The following WDR64 variants were observed in gnomAD, a reference collection of about 807,000 sequenced individuals.
WDR64 encodes the protein WD repeat domain 64.
Under a neutral mutation model 139.3 loss-of-function variants are expected in WDR64, and 112 were observed. That is an observed-to-expected ratio of 0.80 (90% CI 0.69 to 0.94). The LOEUF (loss-of-function observed/expected upper bound fraction) is 0.94. Ranked by LOEUF, WDR64 falls within the 40% of genes least tolerant of loss-of-function variation. The probability of loss-of-function intolerance (pLI) is 0.00; values close to 1 mark genes in which losing one functional copy is unlikely to be tolerated. For synonymous variants in WDR64, 444 were observed against 437.7 expected (o/e 1.01, Z -0.18); for missense variants, 1,206 against 1,293.1 (o/e 0.93, Z 1.03).
intron 23 of WDR64, among the ~76,000 whole-genome samples, chr1:241,783,843 C>T (rs766473548): frequency 1.3e-5 from 2 of 151,966 alleles, no homozygotes; most frequent in African/African-American, 2.4e-5. Flanking sequence ...CTAGATAATG[C>T]TAAGTACCTA....
In WDR64 at chr1:241,802,528, T is replaced by C. The variant is rs1210696414; in HGVS notation, c.*1313T>C. 6.6e-6 allele frequency among the ~76,000 whole-genome samples: 1 copy of C among 152,242 alleles called. No homozygotes were observed. The highest frequency in any genetic ancestry group is 1.5e-5 in the Non-Finnish European group (1 of 68,028). On this transcript the variant is annotated 3_prime_UTR_variant, in exon 28 of 28. Transcript: ENST00000437684. Reference sequence around the variant, plus strand: ...TTCAAAATTTATTGGATGATATTTCTGCATTTCGTTGTATGTGAATTTTTT... The same window carrying C: ...TTCAAAATTTATTGGATGATATTTCCGCATTTCGTTGTATGTGAATTTTTT...
chr1:241,672,175 A>C (rs866835405), intron 3 of WDR64, among the ~76,000 whole-genome samples: 5 of 152,296 alleles, frequency 3.3e-5, no homozygotes, highest in South Asian at 4.1e-4. Flanking sequence ...TGTCTCAAAC[A>C]AACAAACAAA....
chr1:241,801,878 T>C lies in WDR64; in HGVS notation c.*663T>C, dbSNP rs963520586. ...ATATCAATAATTATGAAACCTTTAATAGGTTAAAGTATGCAAGTTTAAAAG... is the reference window on the plus strand; with the variant it reads ...ATATCAATAATTATGAAACCTTTAACAGGTTAAAGTATGCAAGTTTAAAAG... On this transcript the variant is annotated 3_prime_UTR_variant, in exon 28 of 28. Transcript: ENST00000437684. The C allele has an allele frequency of 8.5e-5, 34 of 398,008 alleles. No homozygotes were observed. Among genetic ancestry groups the C allele is most frequent in the Non-Finnish European group, 1.2e-4 (26 of 225,856 alleles). The allele number at this position is 398,008 out of a possible 1,614,324, so 24.7% of individuals were successfully genotyped here.
At chr1:241,789,675 G>A (rs1659156814) in intron 24 of WDR64, among the ~76,000 whole-genome samples, 1 of 152,162 alleles carries the variant, frequency 6.6e-6, no homozygotes, top group Non-Finnish European at 1.5e-5. Flanking sequence ...GGAGCTAAAT[G>A]ATGAGAACAA....
intron 10 of WDR64, among the ~76,000 whole-genome samples, chr1:241,729,718 T>C (rs1026853219): frequency 6.6e-6 from 1 of 152,210 alleles, no homozygotes; most frequent in African/African-American, 2.4e-5. Context: ...AAATTTGAAA[T>C]AAACCTGGAG....
Position 241,796,280 on chromosome 1 carries a change from A to G in WDR64, c.3102A>G (p.Arg1034=), listed in dbSNP as rs748061117. Residue 1034 remains arginine (R), a synonymous_variant, in exon 27 of 28, where the codon AGA becomes AGG. Coordinates refer to ENST00000437684, the MANE Select transcript of WDR64 (RefSeq NM_001367482.1). ...AGATATCAAGCCCCACTAGTCTAAGATTTCTTCCACTGATTGGCGTAGAAG... is the reference window on the plus strand; with the variant it reads ...AGATATCAAGCCCCACTAGTCTAAGGTTTCTTCCACTGATTGGCGTAGAAG... ...IYSISSPTSL[R]FLPLIGVEAQ... The G allele has an allele frequency of 6.2e-7, 1 of 1,613,586 alleles. No individual in the cohort carries two copies. Among genetic ancestry groups the G allele is most frequent in the South Asian group, 1.1e-5 (1 of 90,998 alleles).
intron 9 of WDR64, among the ~76,000 whole-genome samples, chr1:241,720,353 T>C (rs1668560440): frequency 6.6e-6 from 1 of 152,122 alleles, no homozygotes; most frequent in African/African-American, 2.4e-5. Context: ...GGTATTTCTG[T>C]CCCTAGATAT....
At chr1:241,780,109 T>G (rs778920345) in intron 22 of WDR64, 47 bp downstream of exon 22, 1 of 1,436,472 alleles carries the variant, frequency 7.0e-7, no homozygotes, top group African/African-American at 1.4e-5. Context: ...AGCATATATT[T>G]ATTGAGCATT....
intron 25 of WDR64, among the ~76,000 whole-genome samples, chr1:241,794,504 G>GTTTTTTTTTTTTTTTTTTTTTTTTTTTTT (rs11419039): frequency 3.7e-5 from 3 of 81,458 alleles, no homozygotes; most frequent in African/African-American, 8.7e-5. Flanking sequence ...AAGCTTTACT[G>GTTTTTTTTTTTTTTTTTTTTTTTTTTTTT]TTTTTTTTTT....
intron 11 of WDR64, among the ~76,000 whole-genome samples, chr1:241,740,651 CTTT>C (rs1160764811): frequency 4.1e-5 from 6 of 144,814 alleles, no homozygotes; most frequent in Non-Finnish European, 7.6e-5. Context: ...CTCTGAGATT[CTTT>C]TTTTTTTTTT....
chr1:241,707,527 C>A (rs1480121302), intron 8 of WDR64, among the ~76,000 whole-genome samples: 1 of 152,206 alleles, frequency 6.6e-6, no homozygotes, highest in Non-Finnish European at 1.5e-5. Flanking sequence ...TTCAAAGAAT[C>A]CAGAAATCAA....
chr1:241,791,245 C>T (rs892057720), intron 25 of WDR64, among the ~76,000 whole-genome samples: 2 of 152,066 alleles, frequency 1.3e-5, no homozygotes, highest in African/African-American at 4.8e-5. Context: ...GAGATCGTGC[C>T]GCTGCACTCC....
At chr1:241,708,897 G>A (rs79430550) in intron 8 of WDR64, among the ~76,000 whole-genome samples, 8,434 of 151,932 alleles carry the variant, frequency 0.056, 778 homozygotes, top group African/African-American at 0.19. Flanking sequence ...ATTTTGGAAC[G>A]ACTGCACTAA....
Position 241,687,467 on chromosome 1 carries a change from A to G in WDR64, c.846A>G (p.Lys282=). The change falls in exon 8 of 28, where the codon AAA becomes AAG. Residue 282 remains lysine, a synonymous_variant. Transcript: ENST00000437684. ...GCCTTTTCTTAATCCCCAGTGTTAA[A>G]AGGAAGCTACATAATGACTGGGTTA... The part of the protein sequence containing the change: ...VLDSKNFKSV[K]RKLHNDWVMK... 6.2e-7 allele frequency: 1 copy of G among 1,613,850 alleles called. No individual in the cohort carries two copies. Among genetic ancestry groups the G allele is most frequent in the Non-Finnish European group, 8.5e-7 (1 of 1,179,904 alleles).
At chr1:241,687,325 G>T in intron 7 of WDR64, 136 bp from the exon 8 acceptor site, 59 of 807,186 alleles carry the variant, frequency 7.3e-5, no homozygotes, top group Non-Finnish European at 9.5e-5. Flanking sequence ...AAAAAAAGGT[G>T]TTATAATGCA....
chr1:241,711,328 G>A (rs983124994), intron 8 of WDR64, among the ~76,000 whole-genome samples: 3 of 152,088 alleles, frequency 2.0e-5, no homozygotes, highest in Non-Finnish European at 4.4e-5. Flanking sequence ...CCAAGATACT[G>A]CAGTGGGAGT....
intron 20 of WDR64, among the ~76,000 whole-genome samples, chr1:241,774,498 GT>G (rs1043981999): frequency 1.3e-5 from 2 of 152,186 alleles, no homozygotes; most frequent in Admixed American, 6.5e-5. Flanking sequence ...TGTTGATGAT[GT>G]TTATTCTCTA....
At position 241,744,438 on chromosome 1, in the gene WDR64, C is replaced by T. The variant is rs1048536656; in HGVS notation, c.1516C>T (p.Pro506Ser). 6 of 1,613,898 alleles carry T rather than the reference C, an allele frequency of 3.7e-6. No individual in the cohort carries two copies. The highest frequency in any genetic ancestry group is 4.2e-6 in the Non-Finnish European group (5 of 1,180,002). Residue 506 changes from proline to serine, a missense_variant, in exon 13 of 28, where the codon CCT (proline) becomes TCT (serine). Coordinates refer to ENST00000437684, the MANE Select transcript of WDR64 (RefSeq NM_001367482.1). ...TGLQVYQILE[P>S]HGFNTEVTSA... Reference sequence around the variant, plus strand: ...GCTCCAAGTATACCAGATTTTAGAACCTCATGGTTTCAATACTGAAGTGAC... The same window carrying T: ...GCTCCAAGTATACCAGATTTTAGAATCTCATGGTTTCAATACTGAAGTGAC...
At chr1:241,670,818 A>T (rs1273475583) in intron 2 of WDR64, among the ~76,000 whole-genome samples, 2 of 152,208 alleles carry the variant, frequency 1.3e-5, no homozygotes, top group African/African-American at 2.4e-5. Flanking sequence ...CTGAGGTGGA[A>T]GAGTTTCATC....
Sources: gnomAD v4.1 joint callset for allele counts (sites outside exome capture counted in the v4.1 genomes callset) on GRCh38, gnomAD v4.1.1 for gene constraint, MANE v1.5 for transcripts, NCBI Gene and HGNC (gene_info 2026-07-23, HGNC 2026-07-21) for gene names.